XRCC4: variants seen among roughly 807,000 people sequenced by gnomAD.
XRCC4 encodes the protein DNA repair protein XRCC4.
Under a neutral mutation model 39.1 loss-of-function variants are expected in XRCC4, and 28 were observed. The ratio of observed to expected loss-of-function variants is 0.72; its 90% CI spans 0.53 to 0.98. The LOEUF (loss-of-function observed/expected upper bound fraction) is 0.98, where lower values mean the gene tolerates loss of function less well. Among genes scored for constraint, XRCC4 ranks in the 50% least tolerant of loss-of-function variants. The pLI, the probability that XRCC4 is intolerant of heterozygous loss-of-function variation, is 0.00. For synonymous variants in XRCC4, 123 were observed against 126.4 expected, an observed-to-expected ratio of 0.97 and a Z score of 0.18; for missense variants, 350 against 376.4, an observed-to-expected ratio of 0.93 and a Z score of 0.58.
chr5:83,327,918 A>C (rs936529418), intron 7 of XRCC4, among the ~76,000 whole-genome samples: 1 of 152,126 alleles, frequency 6.6e-6, no homozygotes, highest in Non-Finnish European at 1.5e-5. Context: ...TAGCCAGTGC[A>C]TGCATAGCAC....
intron 7 of XRCC4, among the ~76,000 whole-genome samples, chr5:83,343,922 G>T (rs1290971878): frequency 6.6e-6 from 1 of 152,084 alleles, no homozygotes; most frequent in African/African-American, 2.4e-5. Flanking sequence ...TACCCGTTAT[G>T]TCTGAAACTG....
At chr5:83,192,203 T>G (rs1456879502) in intron 3 of XRCC4, among the ~76,000 whole-genome samples, 1 of 147,884 alleles carries the variant, frequency 6.8e-6, no homozygotes, top group Non-Finnish European at 1.5e-5. Context: ...TATGTATACG[T>G]ATATATTATA....
rs1360121747 is a variant in XRCC4 at position 83,239,222 on chromosome 5, ACT to A, written c.746-19303_746-19302del. Among the ~76,000 whole-genome samples, 7 of 152,232 alleles carry A rather than the reference ACT, an allele frequency of 4.6e-5. 2 individuals are homozygous for A. In the South Asian group the frequency reaches 1.5e-3, roughly 32 times the overall value. On this transcript the variant is annotated intron_variant, in intron 6 of 7. Coordinates refer to ENST00000396027, the MANE Select transcript of XRCC4 (RefSeq NM_003401.5). ...TATTGTCTCTGCCTTTTAGTAGTTC[ACT>A]CTCTAGTTAAGGAAAAGAAAAAATC...
At chr5:83,357,364 G>A (rs1757201843), downstream of XRCC4, among the ~76,000 whole-genome samples, 1 of 152,158 alleles carries the variant, frequency 6.6e-6, no homozygotes, top group African/African-American at 2.4e-5. Flanking sequence ...TGAAGGAGTG[G>A]TAGTCCAGAT....
intron 7 of XRCC4, among the ~76,000 whole-genome samples, chr5:83,299,918 C>T (rs1755218207): frequency 6.6e-6 from 1 of 152,066 alleles, no homozygotes; most frequent in Non-Finnish European, 1.5e-5. Context: ...TACTTATGTG[C>T]TTTGCCTCTT....
intron 6 of XRCC4, among the ~76,000 whole-genome samples, chr5:83,226,193 G>T (rs750277295): frequency 1.3e-5 from 2 of 152,090 alleles, no homozygotes; most frequent in Non-Finnish European, 2.9e-5. Flanking sequence ...TTAGGATGCA[G>T]TTCCTTAGGT....
At chr5:83,201,518 C>T (rs1173917757) in intron 4 of XRCC4, 1 of 152,124 alleles carries the variant, frequency 6.6e-6, no homozygotes, top group Non-Finnish European at 1.5e-5. Flanking sequence ...TCTATTGATC[C>T]AAGGAGGTGA....
In XRCC4 at chr5:83,353,334, A is replaced by ATTACCGTATC; in HGVS notation, c.*97_*106dup. The ATTACCGTATC allele has an allele frequency of 2.0e-6, 2 of 982,114 alleles. No homozygotes were observed. 60.8% of individuals were successfully genotyped at this position (982,114 alleles called of 1,614,324 possible). A position where few individuals can be genotyped will look rare whatever the true frequency, so the allele number is the denominator to read the frequency against. On this transcript the variant is annotated 3_prime_UTR_variant, in exon 8 of 8. Transcript: ENST00000396027. ...GGAGAATTTCAAGTCAGCAGCCGCT[A>ATTACCGTATC]TTACCGTATCTTACAATTTAATTAC... is the stretch of plus-strand genomic sequence containing the variant.
intron 6 of XRCC4, among the ~76,000 whole-genome samples, chr5:83,256,960 G>A (rs1753564405): frequency 6.6e-6 from 1 of 151,958 alleles, no homozygotes; most frequent in Non-Finnish European, 1.5e-5. Context: ...GATTAACAAG[G>A]TAATACATGG....
chr5:83,282,709 G>A (rs896728435), intron 7 of XRCC4, among the ~76,000 whole-genome samples: 4 of 152,040 alleles, frequency 2.6e-5, no homozygotes, highest in African/African-American at 9.7e-5. Flanking sequence ...AGGCATGGTG[G>A]CAGGCGCCTG....
chr5:83,193,870 G>A (rs771116647), intron 3 of XRCC4, among the ~76,000 whole-genome samples: 4 of 151,854 alleles, frequency 2.6e-5, no homozygotes, highest in Non-Finnish European at 5.9e-5. Context: ...TTTTTCTCCT[G>A]CTTTGTATCA....
chr5:83,083,591 T>C (rs1745054909), intron 1 of XRCC4, among the ~76,000 whole-genome samples: 1 of 152,078 alleles, frequency 6.6e-6, no homozygotes, highest in Admixed American at 6.6e-5. Context: ...TTGGCCAGAC[T>C]GGTCTCGAAC....
chr5:83,153,641 G>A (rs1321920057), intron 3 of XRCC4, among the ~76,000 whole-genome samples: 1 of 152,136 alleles, frequency 6.6e-6, no homozygotes, highest in Non-Finnish European at 1.5e-5. Context: ...GATGACAAAG[G>A]CTGGCAAGGA....
At chr5:83,349,923 C>G (rs1580539518) in intron 7 of XRCC4, among the ~76,000 whole-genome samples, 1 of 152,116 alleles carries the variant, frequency 6.6e-6, no homozygotes, top group African/African-American at 2.4e-5. Context: ...CTTCCCTTCC[C>G]CATGTAGTAA....
At chr5:83,082,246 A>AT (rs1744977168) in intron 1 of XRCC4, among the ~76,000 whole-genome samples, 1 of 152,196 alleles carries the variant, frequency 6.6e-6, no homozygotes, top group Non-Finnish European at 1.5e-5. Flanking sequence ...TAAAATATAA[A>AT]TAAAAAATTG....
intron 7 of XRCC4, among the ~76,000 whole-genome samples, chr5:83,277,467 C>T (rs1754376030): frequency 6.6e-6 from 1 of 152,164 alleles, no homozygotes; most frequent in Non-Finnish European, 1.5e-5. Flanking sequence ...GATGGACATG[C>T]AACAGAATGA....
chr5:83,135,544 TG>T (rs975475656), intron 3 of XRCC4, among the ~76,000 whole-genome samples: 1 of 152,122 alleles, frequency 6.6e-6, no homozygotes, highest in Non-Finnish European at 1.5e-5. Context: ...TCTCGTTTTT[TG>T]GGGATTCCAT....
chr5:83,270,019 C>A (rs59033543), intron 7 of XRCC4, among the ~76,000 whole-genome samples: 57,056 of 152,034 alleles, frequency 0.38, 13,994 homozygotes, highest in East Asian at 0.81. Flanking sequence ...TTCCTCACCT[C>A]ACAAATGGTC....
rs1420081749 is a variant in XRCC4 at position 83,282,098 on chromosome 5, T to C, written c.893+23421T>C. ...ATGAAGAAATATGTCAGAAATAGAT[T>C]CTGATTCAAATGCTACAATTGGGGT... On this transcript the variant is annotated intron_variant, in intron 7 of 7. Coordinates refer to ENST00000396027, the MANE Select transcript of XRCC4 (RefSeq NM_003401.5). Among the ~76,000 whole-genome samples the C allele has an allele frequency of 3.3e-5, 5 of 152,330 alleles. No individual in the cohort carries two copies. In the East Asian group the frequency reaches 9.6e-4, roughly 29 times the overall value.
Sources: allele counts gnomAD v4.1 joint callset (sites outside exome capture counted in the v4.1 genomes callset), GRCh38; gene constraint gnomAD v4.1.1; transcripts MANE v1.5; gene names NCBI Gene and HGNC (gene_info 2026-07-23, HGNC 2026-07-21).